The following MECOM variants were observed in gnomAD, a reference collection of about 807,000 sequenced individuals.
MECOM encodes histone-lysine N-methyltransferase MECOM.
MECOM carries 13 observed loss-of-function variants against 116.3 expected under a neutral mutation model. That is an observed-to-expected ratio of 0.11 (90% CI 0.07 to 0.18). The LOEUF is 0.18. MECOM is among the 10% of genes least tolerant of loss of function. The probability of loss-of-function intolerance (pLI) is 1.00; values close to 1 mark genes in which losing one functional copy is unlikely to be tolerated. For missense variants in MECOM, 1,299 were observed against 1,509.0 expected, an observed-to-expected ratio of 0.86 and a Z score of 2.31; for synonymous variants, 528 against 535.2, an observed-to-expected ratio of 0.99 and a Z score of 0.19.
At chr3:169,150,692 A>G (rs1741045852) in intron 2 of MECOM, among the ~76,000 whole-genome samples, 1 of 152,246 alleles carries the variant, frequency 6.6e-6, no homozygotes, top group South Asian at 2.1e-4. Flanking sequence ...CCAGATTTTA[A>G]AAACATTTTT....
chr3:169,348,533 G>T (rs1236182036), intron 2 of MECOM, among the ~76,000 whole-genome samples: 1 of 151,788 alleles, frequency 6.6e-6, no homozygotes, highest in East Asian at 1.9e-4. Context: ...CCTTTTCATG[G>T]GATTCTACCT....
chr3:169,323,799 GC>G (rs1721327481), intron 2 of MECOM, among the ~76,000 whole-genome samples: 1 of 152,118 alleles, frequency 6.6e-6, no homozygotes, highest in Non-Finnish European at 1.5e-5. Context: ...ATGGTTATTC[GC>G]CAAATAATCA....
chr3:169,215,869 G>A (rs1328542536), intron 2 of MECOM, among the ~76,000 whole-genome samples: 2 of 152,190 alleles, frequency 1.3e-5, no homozygotes, highest in African/African-American at 2.4e-5. Flanking sequence ...TTCCAAGGCT[G>A]GCATTCCGCC....
At chr3:169,477,448 T>C (rs1267428186) in intron 1 of MECOM, among the ~76,000 whole-genome samples, 1 of 152,062 alleles carries the variant, frequency 6.6e-6, no homozygotes, top group Non-Finnish European at 1.5e-5. Flanking sequence ...AGAGAATTTT[T>C]TTCTGAGTCC....
intron 1 of MECOM, among the ~76,000 whole-genome samples, chr3:169,589,115 T>C (rs1467877824): frequency 6.6e-6 from 1 of 152,158 alleles, no homozygotes; most frequent in Admixed American, 6.5e-5. Flanking sequence ...TGGTAGCTTC[T>C]GAAAATTCCC....
intron 2 of MECOM, among the ~76,000 whole-genome samples, chr3:169,377,652 C>G (rs1577909064): frequency 6.6e-6 from 1 of 152,066 alleles, no homozygotes; most frequent in Non-Finnish European, 1.5e-5. Flanking sequence ...GAGTGGCGAT[C>G]ATTAAAAAGT....
intron 1 of MECOM, among the ~76,000 whole-genome samples, chr3:169,549,744 C>T (rs1399007921): frequency 6.6e-5 from 10 of 152,190 alleles, no homozygotes; most frequent in Non-Finnish European, 2.9e-5. Context: ...AGATTTTCAG[C>T]ATAGCTTTTC....
intron 2 of MECOM, among the ~76,000 whole-genome samples, chr3:169,241,165 T>C (rs1236849710): frequency 6.6e-6 from 1 of 152,134 alleles, no homozygotes; most frequent in Non-Finnish European, 1.5e-5. Flanking sequence ...TAAAAATCAC[T>C]GTTGATATTT....
chr3:169,181,956 A>T (rs11927860), intron 2 of MECOM, among the ~76,000 whole-genome samples: 14,372 of 152,188 alleles, frequency 0.094, 737 homozygotes, highest in South Asian at 0.22. Context: ...GATAAAACAC[A>T]TACAGAATTC....
chr3:169,610,364 A>C (rs1480177260), intron 1 of MECOM, among the ~76,000 whole-genome samples: 1 of 152,218 alleles, frequency 6.6e-6, no homozygotes, highest in East Asian at 1.9e-4. Context: ...GACAATGATG[A>C]GAATGAGGAT....
chr3:169,280,442 C>G (rs1357393864), intron 2 of MECOM, among the ~76,000 whole-genome samples: 1 of 152,052 alleles, frequency 6.6e-6, no homozygotes, highest in Non-Finnish European at 1.5e-5. Context: ...ACATTTCCTG[C>G]TATCTCACTA....
chr3:169,330,628 C>T (rs1184459026), intron 2 of MECOM, among the ~76,000 whole-genome samples: 1 of 151,978 alleles, frequency 6.6e-6, no homozygotes, highest in Non-Finnish European at 1.5e-5. Context: ...TTTGCATGGA[C>T]ATCTGAAATG....
At chr3:169,382,856 A>T (rs559376755) in intron 1 of MECOM, among the ~76,000 whole-genome samples, 55 of 107,616 alleles carry the variant, frequency 5.1e-4, no homozygotes, top group Non-Finnish European at 7.4e-4. Context: ...TCTCAAAAAA[A>T]AAAAAAAATA....
At chr3:169,646,477 T>G (rs1774205024) in intron 1 of MECOM, among the ~76,000 whole-genome samples, 1 of 151,906 alleles carries the variant, frequency 6.6e-6, no homozygotes, top group Non-Finnish European at 1.5e-5. Context: ...AAATAAATAA[T>G]AAAAAATTAA....
chr3:169,495,159 T>C (rs1753658849), intron 1 of MECOM, among the ~76,000 whole-genome samples: 1 of 152,206 alleles, frequency 6.6e-6, no homozygotes, highest in African/African-American at 2.4e-5. Context: ...AACCCGTTAA[T>C]CATTTTCATT....
chr3:169,586,561 C>T (rs183536373), intron 1 of MECOM, among the ~76,000 whole-genome samples: 52 of 152,134 alleles, frequency 3.4e-4, no homozygotes, highest in Non-Finnish European at 1.6e-4. Context: ...ATAATATATT[C>T]GCAAAAAAGT....
At chr3:169,557,890 G>C (rs1230790585) in intron 1 of MECOM, among the ~76,000 whole-genome samples, 1 of 152,178 alleles carries the variant, frequency 6.6e-6, no homozygotes, top group Non-Finnish European at 1.5e-5. Context: ...ATATTAACTA[G>C]AAAGGCTTTC....
At chr3:169,433,878 A>C (rs1465085865) in intron 1 of MECOM, among the ~76,000 whole-genome samples, 1 of 152,206 alleles carries the variant, frequency 6.6e-6, no homozygotes, top group Non-Finnish European at 1.5e-5. Flanking sequence ...CAAAGATCAC[A>C]TTTGGAGAAG....
intron 1 of MECOM, among the ~76,000 whole-genome samples, chr3:169,509,739 CTTTG>C (rs1189258445): frequency 1.3e-5 from 2 of 152,252 alleles, no homozygotes; most frequent in Admixed American, 1.3e-4. Flanking sequence ...TTACACCACA[CTTTG>C]TTTATCTGCT....
Sources: gnomAD v4.1 joint callset for allele counts (sites outside exome capture counted in the v4.1 genomes callset) on GRCh38, gnomAD v4.1.1 for gene constraint, MANE v1.5 for transcripts, NCBI Gene and HGNC (gene_info 2026-07-23, HGNC 2026-07-21) for gene names.